Variants in APPBP2 observed in about 807,000 individuals in gnomAD.
APPBP2 encodes amyloid beta precursor protein binding protein 2.
Under a neutral mutation model 76.0 loss-of-function variants are expected in APPBP2, and 15 were observed. The observed-to-expected ratio is 0.20, with a 90% CI of 0.13 to 0.30. APPBP2 has a LOEUF of 0.30. Ranked by LOEUF, APPBP2 falls within the 10% of genes least tolerant of loss-of-function variation. The probability of loss-of-function intolerance (pLI) is 1.00; values close to 1 mark genes in which losing one functional copy is unlikely to be tolerated. For missense variants in APPBP2, 401 were observed against 687.2 expected (o/e 0.58, Z 4.66); for synonymous variants, 222 against 242.2 (o/e 0.92, Z 0.77).
At chr17:60,487,079 G>T (rs1469432862) in intron 3 of APPBP2, among the ~76,000 whole-genome samples, 2 of 152,096 alleles carry the variant, frequency 1.3e-5, no homozygotes, top group African/African-American at 4.8e-5. Flanking sequence ...AGGCTGATGG[G>T]GTTCCCTTTG....
intron 3 of APPBP2, among the ~76,000 whole-genome samples, chr17:60,482,197 T>C (rs968431771): frequency 6.6e-6 from 1 of 152,202 alleles, no homozygotes; most frequent in African/African-American, 2.4e-5. Flanking sequence ...CTACTTCGAT[T>C]AAAAACTTAA....
chr17:60,456,394 TAGA>T lies in APPBP2; in HGVS notation c.1062-16_1062-14del. ...TTCTGCATGAAATCTGTAATACAGA[TAGA>T]TACAGTCTGGCATTTCTTTTTAGTT... On this transcript the variant is annotated splice_polypyrimidine_tract_variant and intron_variant, in intron 9 of 12. Transcript: ENST00000083182. 2.0e-6 allele frequency: 3 copies of T among 1,501,686 alleles called. No homozygotes were observed. The highest frequency in any genetic ancestry group is 2.8e-6 in the Non-Finnish European group (3 of 1,078,594). The allele number at this position is 1,501,686 out of a possible 1,614,324, so 93.0% of individuals were successfully genotyped here.
chr17:60,508,898 T>C (rs2090889850), intron 1 of APPBP2, among the ~76,000 whole-genome samples: 1 of 152,150 alleles, frequency 6.6e-6, no homozygotes, highest in South Asian at 2.1e-4. Flanking sequence ...ATCAGCAAAA[T>C]CTAGACTTCA....
chr17:60,450,771 CAAA>C (rs1235490603), intron 12 of APPBP2, among the ~76,000 whole-genome samples: 1 of 80,050 alleles, frequency 1.2e-5, no homozygotes, highest in Non-Finnish European at 2.7e-5. Flanking sequence ...GATCCTGTCT[CAAA>C]AAAAAAAAAA....
At chr17:60,495,188 A>G (rs1419985498) in intron 2 of APPBP2, among the ~76,000 whole-genome samples, 1 of 151,586 alleles carries the variant, frequency 6.6e-6, no homozygotes, top group South Asian at 2.1e-4. Flanking sequence ...GGGTCTCACC[A>G]TGTTAGCCGG....
chr17:60,525,677 G>C, intron 1 of APPBP2, 117 bp downstream of exon 1: 3 of 1,480,934 alleles, frequency 2.0e-6, no homozygotes, highest in Non-Finnish European at 2.7e-6. Context: ...CAGACGTTTC[G>C]GGAGGCAAGT....
intron 5 of APPBP2, 136 bp from the exon 6 acceptor site, chr17:60,464,246 AG>A (rs2090495249): frequency 3.1e-6 from 2 of 654,266 alleles, no homozygotes; most frequent in East Asian, 5.7e-5. Context: ...GAATTTTCTG[AG>A]GCTAAACTTT....
At chr17:60,501,821 C>T (rs886928056) in intron 1 of APPBP2, among the ~76,000 whole-genome samples, 2 of 152,104 alleles carry the variant, frequency 1.3e-5, no homozygotes, top group Admixed American at 6.5e-5. Flanking sequence ...AATAAAACCT[C>T]AGCACACTCC....
intron 4 of APPBP2, among the ~76,000 whole-genome samples, chr17:60,471,499 C>T (rs2090552220): frequency 7.7e-6 from 1 of 130,016 alleles, no homozygotes; most frequent in Non-Finnish European, 1.5e-5. Context: ...CTATTCCTAG[C>T]TTTGTGAATT....
At chr17:60,497,154 A>G (rs1414203388) in intron 2 of APPBP2, among the ~76,000 whole-genome samples, 1 of 152,236 alleles carries the variant, frequency 6.6e-6, no homozygotes, top group Non-Finnish European at 1.5e-5. Flanking sequence ...TATATACACA[A>G]TGGTGTACTA....
chr17:60,512,832 TAAAAAAAAAAAA>T lies in APPBP2; in HGVS notation c.139-12357_139-12346del, dbSNP rs770075935. On this transcript the variant is annotated intron_variant, in intron 1 of 12. Coordinates refer to ENST00000083182, the MANE Select transcript of APPBP2 (RefSeq NM_006380.5). The stretch of plus-strand genomic sequence containing the variant: ...CTAGGCAACAGAGTGAGACTCCATC[TAAAAAAAAAAAA>T]AAAAAAAAAAGGAAAGGAAAAGAAA... 5.6e-3 allele frequency among the ~76,000 whole-genome samples: 168 copies of T among 29,916 alleles called. 1 individual carries two copies. The highest frequency in any genetic ancestry group is 0.038 in the Middle Eastern group (2 of 52). The allele number at this position is 29,916 out of a possible 152,430, so 19.6% of individuals were successfully genotyped here.
intron 10 of APPBP2, among the ~76,000 whole-genome samples, chr17:60,455,576 G>A (rs1001430678): frequency 1.3e-5 from 2 of 152,286 alleles, no homozygotes; most frequent in African/African-American, 2.4e-5. Context: ...GGGGTATTTT[G>A]CAAGAGCCTT....
chr17:60,485,145 A>G (rs1476007622), intron 3 of APPBP2, among the ~76,000 whole-genome samples: 1 of 152,182 alleles, frequency 6.6e-6, no homozygotes. Context: ...GATGTTCATC[A>G]GGGATATTGG....
intron 10 of APPBP2, among the ~76,000 whole-genome samples, chr17:60,455,841 G>C (rs112418466): frequency 0.08 from 12,152 of 151,592 alleles, 1,630 homozygotes; most frequent in African/African-American, 0.28. Flanking sequence ...GCAGTGGCAC[G>C]ATCTTGGCTC....
chr17:60,461,017 T>C, intron 8 of APPBP2: 1 of 246,842 alleles, frequency 4.1e-6, no homozygotes, highest in Non-Finnish European at 7.8e-6. Flanking sequence ...ATAATAATAA[T>C]AATCATTCCT....
chr17:60,485,259 A>C (rs1158246751), intron 3 of APPBP2, among the ~76,000 whole-genome samples: 1 of 152,132 alleles, frequency 6.6e-6, no homozygotes, highest in Admixed American at 6.5e-5. Flanking sequence ...ATTGATTGGA[A>C]AAGTTTCAGA....
chr17:60,458,781 T>G (rs866202871), intron 9 of APPBP2, among the ~76,000 whole-genome samples: 16 of 150,860 alleles, frequency 1.1e-4, no homozygotes, highest in African/African-American at 3.2e-4. Context: ...TTTTTTTTTT[T>G]GTTTTTTTTT....
rs898623182 is a variant in APPBP2 at position 60,518,374 on chromosome 17, T to C, written c.138+7420A>G. Among the ~76,000 whole-genome samples, 59 of 134,768 alleles carry C rather than the reference T, an allele frequency of 4.4e-4. 3 individuals carry two copies. Among genetic ancestry groups the C allele is most frequent in the African/African-American group, 1.5e-3 (55 of 36,918 alleles). 88.4% of individuals were successfully genotyped at this position (134,768 alleles called of 152,430 possible). ...GTGTGCGTGCGTGTGTGTGTGTGTG[T>C]GTGTGTGTGTGTGTGTGTGTGTGTG... On this transcript the variant is annotated intron_variant, in intron 1 of 12. Transcript: ENST00000083182.
rs1038041022 is a variant in APPBP2, at chr17:60,443,968, CAAA to C, written c.*3610_*3612del. 3.9e-5 allele frequency: 6 copies of C among 152,126 alleles called. No homozygotes were observed. Among genetic ancestry groups the C allele is most frequent in the African/African-American group, 1.5e-4 (6 of 41,326 alleles). 9.4% of individuals were successfully genotyped at this position (152,126 alleles called of 1,614,324 possible). Reference sequence around the variant, plus strand: ...ATTAATCCAAATGTCATATTAACAACAAAAAATTTCCTAGCCAGGCGTGGTGGC... The same window carrying C: ...ATTAATCCAAATGTCATATTAACAACAAATTTCCTAGCCAGGCGTGGTGGC... On this transcript the variant is annotated 3_prime_UTR_variant, in exon 13 of 13. Coordinates refer to ENST00000083182, the MANE Select transcript of APPBP2 (RefSeq NM_006380.5).
Sources: allele counts gnomAD v4.1 joint callset (sites outside exome capture counted in the v4.1 genomes callset), GRCh38; gene constraint gnomAD v4.1.1; transcripts MANE v1.5; gene names NCBI Gene and HGNC (gene_info 2026-07-23, HGNC 2026-07-21).